NYAP2: variants seen among roughly 807,000 people sequenced by gnomAD.
The protein encoded by NYAP2 is neuronal tyrosine-phosphorylated phosphoinositide-3-kinase adapter 2.
NYAP2 carries 23 observed loss-of-function variants against 50.4 expected under a neutral mutation model. The ratio of observed to expected loss-of-function variants is 0.46; its 90% CI spans 0.33 to 0.65. The LOEUF is 0.65. NYAP2 is among the 30% of genes least tolerant of loss of function. The probability of loss-of-function intolerance (pLI) is 0.02; values close to 1 mark genes in which losing one functional copy is unlikely to be tolerated. For missense variants in NYAP2, 885 were observed against 861.0 expected (o/e 1.03, Z -0.35); for synonymous variants, 394 against 365.2 (o/e 1.08, Z -0.90).
chr2:225,408,390 T>G (rs1162775858), intron 2 of NYAP2, among the ~76,000 whole-genome samples: 2 of 152,092 alleles, frequency 1.3e-5, no homozygotes, highest in African/African-American at 4.8e-5. Flanking sequence ...TCATACATTT[T>G]AATTTCAAAA....
intron 4 of NYAP2, among the ~76,000 whole-genome samples, chr2:225,544,627 G>T (rs1691539162): frequency 6.6e-6 from 1 of 151,958 alleles, no homozygotes; most frequent in Non-Finnish European, 1.5e-5. Flanking sequence ...TTTATGTCTT[G>T]TTGTACCGTC....
rs1308938338 is a variant in NYAP2 at position 225,521,501 on chromosome 2, C to T, written c.523+7829C>T. Among the ~76,000 whole-genome samples, 8 of 152,098 alleles carry T rather than the reference C, an allele frequency of 5.3e-5. No homozygotes were observed. The East Asian group carries it at 9.7e-4, about 18-fold the overall frequency. ...AGCATGAAGGGTTGTTGAATTTTGT[C>T]GAAGGCCTTTTCTGCATCTATTGAG... On this transcript the variant is annotated intron_variant, in intron 4 of 6. Coordinates refer to ENST00000636099, the Ensembl canonical transcript of NYAP2.
At chr2:225,577,518 TTA>T (rs1692188656) in intron 4 of NYAP2, among the ~76,000 whole-genome samples, 1 of 152,142 alleles carries the variant, frequency 6.6e-6, no homozygotes, top group Non-Finnish European at 1.5e-5. Context: ...TGGGACAATG[TTA>T]TCTGAAATTT....
chr2:225,457,195 G>A (rs1420709514), intron 3 of NYAP2, among the ~76,000 whole-genome samples: 1 of 152,056 alleles, frequency 6.6e-6, no homozygotes, highest in Non-Finnish European at 1.5e-5. Context: ...CTATAATATC[G>A]CTGTCATGTG....
chr2:225,527,435 T>C (rs1057349321), intron 4 of NYAP2, among the ~76,000 whole-genome samples: 6 of 152,218 alleles, frequency 3.9e-5, no homozygotes, highest in African/African-American at 1.4e-4. Context: ...AGCTGGAGTC[T>C]CATCTGAGGC....
At position 225,590,831 on chromosome 2, in the gene NYAP2, C is replaced by T. The variant is rs192307395; in HGVS notation, c.1618+7796C>T. On this transcript the variant is annotated intron_variant, in intron 5 of 6. Coordinates refer to ENST00000636099, the Ensembl canonical transcript of NYAP2. ...ACTACCTGTGGATTCTCCCAGAGGC[C>T]TTGAGAGTTTAAGAATGGAATACAT... Among the ~76,000 whole-genome samples, 10 of 152,308 alleles carry T rather than the reference C, an allele frequency of 6.6e-5. No individual in the cohort carries two copies. In the East Asian group the frequency reaches 1.9e-3, roughly 29 times the overall value.
intron 3 of NYAP2, among the ~76,000 whole-genome samples, chr2:225,469,942 A>G (rs1008416446): frequency 5.3e-5 from 8 of 152,150 alleles, no homozygotes; most frequent in Non-Finnish European, 1.0e-4. Context: ...TGGCACGTGT[A>G]TACCTGTGTA....
chr2:225,476,278 T>C (rs1174945921), intron 3 of NYAP2, among the ~76,000 whole-genome samples: 1 of 152,060 alleles, frequency 6.6e-6, no homozygotes. Context: ...CCAGGCGTAG[T>C]GATGGGCGCC....
chr2:225,432,952 C>T (rs1029270860), intron 3 of NYAP2, among the ~76,000 whole-genome samples: 1 of 152,164 alleles, frequency 6.6e-6, no homozygotes, highest in African/African-American at 2.4e-5. Flanking sequence ...TTGTACACTT[C>T]CCTTTCACTC....
intron 5 of NYAP2, among the ~76,000 whole-genome samples, chr2:225,597,609 T>A (rs1217186971): frequency 6.8e-6 from 1 of 146,262 alleles, no homozygotes; most frequent in Non-Finnish European, 1.5e-5. Flanking sequence ...TGAATTGTGC[T>A]GCTATAAACA....
chr2:225,587,152 C>A (rs1025356688), intron 5 of NYAP2, among the ~76,000 whole-genome samples: 18 of 152,112 alleles, frequency 1.2e-4, no homozygotes, highest in African/African-American at 2.9e-4. Flanking sequence ...TCCCTTAACA[C>A]GTGTGGATTA....
chr2:225,485,332 T>A (rs192536528), intron 3 of NYAP2, among the ~76,000 whole-genome samples: 1 of 152,342 alleles, frequency 6.6e-6, no homozygotes, highest in African/African-American at 2.4e-5. Flanking sequence ...CTTTCCCTTA[T>A]AAATTACCCA....
At chr2:225,469,903 G>A (rs1217430994) in intron 3 of NYAP2, among the ~76,000 whole-genome samples, 1 of 152,112 alleles carries the variant, frequency 6.6e-6, no homozygotes, top group African/African-American at 2.4e-5. Flanking sequence ...TAATGTAGGT[G>A]ACAGGTTAAT....
At position 225,640,655 on chromosome 2, in the gene NYAP2, A is replaced by G. The variant is rs149035663; in HGVS notation, c.1829-10777A>G. Among the ~76,000 whole-genome samples, 29 of 152,260 alleles carry G rather than the reference A, an allele frequency of 1.9e-4. No individual in the cohort carries two copies. The East Asian group carries it at 5.4e-3, about 28-fold the overall frequency. On this transcript the variant is annotated intron_variant, in intron 6 of 6. Coordinates refer to ENST00000636099, the Ensembl canonical transcript of NYAP2. ...TATGGGATCAGCCTAGAGTCAAGGA[A>G]TTTGGTGATATTAACTGATGTGTGT...
At chr2:225,695,709 G>C in the NYAP2 span, among the ~76,000 whole-genome samples, 1 of 151,856 alleles carries the variant, frequency 6.6e-6, no homozygotes, top group Non-Finnish European at 1.5e-5. Context: ...TTATTGCACA[G>C]ATTATCATGT....
intron 3 of NYAP2, among the ~76,000 whole-genome samples, chr2:225,422,574 C>T (rs569376740): frequency 1.1e-4 from 17 of 152,038 alleles, no homozygotes; most frequent in South Asian, 2.1e-4. Flanking sequence ...TAGGCAAGGA[C>T]GCTGTGAACC....
intron 4 of NYAP2, among the ~76,000 whole-genome samples, chr2:225,566,741 A>G (rs1316589349): frequency 2.0e-5 from 3 of 152,188 alleles, no homozygotes; most frequent in African/African-American, 4.8e-5. Context: ...GGGCAAAGAG[A>G]AAAAAGAGTT....
intron 4 of NYAP2, among the ~76,000 whole-genome samples, chr2:225,543,275 TA>T (rs1226997637): frequency 1.3e-4 from 20 of 151,974 alleles, no homozygotes; most frequent in African/African-American, 4.1e-4. Context: ...TGATCTTTAT[TA>T]TTTTTTTTCT....
intron 4 of NYAP2, among the ~76,000 whole-genome samples, chr2:225,523,931 A>C (rs1559204350): frequency 6.6e-6 from 1 of 152,194 alleles, no homozygotes; most frequent in Non-Finnish European, 1.5e-5. Flanking sequence ...ATCTTTGACA[A>C]AGTTAACAAA....
Sources: allele counts gnomAD v4.1 joint callset (sites outside exome capture counted in the v4.1 genomes callset), GRCh38; gene constraint gnomAD v4.1.1; transcripts MANE v1.5; gene names NCBI Gene and HGNC (gene_info 2026-07-23, HGNC 2026-07-21).